LAMA1: variants seen among roughly 807,000 people sequenced by gnomAD.
The protein encoded by LAMA1 is laminin subunit alpha-1.
A neutral mutation model predicts 348.7 loss-of-function variants in LAMA1; 219 were observed. The ratio of observed to expected loss-of-function variants is 0.63; its 90% CI spans 0.56 to 0.70. LAMA1 has a LOEUF of 0.70. Ranked by LOEUF, LAMA1 falls within the 30% of genes least tolerant of loss-of-function variation. LAMA1 has a pLI of 0.00. For synonymous variants in LAMA1, 1,487 were observed against 1,491.0 expected, an observed-to-expected ratio of 1.00 and a Z score of 0.06; for missense variants, 3,744 against 3,888.0, an observed-to-expected ratio of 0.96 and a Z score of 0.99.
intron 1 of LAMA1, among the ~76,000 whole-genome samples, chr18:7,091,092 ACT>A (rs1184411630): frequency 1.3e-5 from 2 of 152,100 alleles, no homozygotes; most frequent in South Asian, 2.1e-4. Context: ...ATATTCAATG[ACT>A]CTGTGATTTT....
Position 7,049,175 on chromosome 18 carries a change from A to C in LAMA1, c.671T>G (p.Ile224Ser). Reference sequence around the variant, plus strand: ...TCTAATGCGTTGCAAGCGAAGGCGAATATATCGTGCAGAAGTGAATTCCAA... The same window carrying C: ...TCTAATGCGTTGCAAGCGAAGGCGACTATATCGTGCAGAAGTGAATTCCAA... ...KLLEFTSARY[I>S]RLRLQRIRTL... Residue 224 changes from isoleucine (I) to serine (S), a missense_variant, in exon 5 of 63, where the codon ATT becomes AGT. Ile to Ser is a moderately radical substitution (Grantham distance 142). Coordinates refer to ENST00000389658, the MANE Select transcript of LAMA1 (RefSeq NM_005559.4). The C allele has an allele frequency of 6.2e-7, 1 of 1,614,220 alleles. No homozygotes were observed. Among genetic ancestry groups the C allele is most frequent in the South Asian group, 1.1e-5 (1 of 91,082 alleles).
intron 3 of LAMA1, among the ~76,000 whole-genome samples, chr18:7,078,367 C>T (rs1325473774): frequency 8.6e-5 from 13 of 151,386 alleles, no homozygotes; most frequent in East Asian, 6.1e-4. Flanking sequence ...GGGGTTTCAC[C>T]GTGTTAGCCA....
chr18:7,066,924 T>C (rs2058125060), intron 3 of LAMA1, among the ~76,000 whole-genome samples: 1 of 152,246 alleles, frequency 6.6e-6, no homozygotes, highest in Admixed American at 6.5e-5. Flanking sequence ...AGCCATAAAA[T>C]ATTCAAATGT....
In LAMA1 at chr18:6,976,071, C is replaced by T. The variant is rs141494356; in HGVS notation, c.6355G>A (p.Ala2119Thr). ...ATGCAATCTCTGTCTGCAGACACGG[C>T]GACTTTAATCTGTAGAAGGAAAATG... ...ARKQAASIKV[A>T]VSADRDCIRA... Residue 2119 changes from alanine (A) to threonine (T), a missense_variant, in exon 45 of 63, where the codon GCC (alanine) becomes ACC (threonine). This residue lies in a region of LAMA1 where 1,983 missense variants were observed against 1,934.3 expected (regional missense o/e 1.03). Coordinates refer to ENST00000389658, the MANE Select transcript of LAMA1 (RefSeq NM_005559.4). 123 of 1,614,038 alleles carry T rather than the reference C, an allele frequency of 7.6e-5. No individual in the cohort carries two copies. The African/African-American group carries it at 1.4e-3, about 19-fold the overall frequency.
chr18:7,085,971 A>C (rs949201810), intron 1 of LAMA1, among the ~76,000 whole-genome samples: 28 of 152,228 alleles, frequency 1.8e-4, no homozygotes, highest in African/African-American at 6.5e-4. Context: ...CCAGGTTAAT[A>C]AGATTAAGGT....
chr18:6,956,812 C>T (rs1419040679), intron 55 of LAMA1, 47 bp from the exon 56 acceptor site: 1 of 1,608,730 alleles, frequency 6.2e-7, no homozygotes, highest in Admixed American at 1.7e-5. Context: ...TATCACAAAC[C>T]AGTCCATGAA....
At position 6,976,586 on chromosome 18, in the gene LAMA1, TTATATTTA is replaced by T. The variant is rs1166355186; in HGVS notation, c.6346-514_6346-507del. On this transcript the variant is annotated intron_variant, in intron 44 of 62. Transcript: ENST00000389658. ...TAGCATCAAGAAGCATTCCTTGGGCTTATATTTATTTATTTATTTATTTATTTATTTAT... is the reference window on the plus strand; with the variant it reads ...TAGCATCAAGAAGCATTCCTTGGGCTTTTATTTATTTATTTATTTATTTAT... 7.6e-5 allele frequency among the ~76,000 whole-genome samples: 11 copies of T among 144,256 alleles called. No individual in the cohort carries two copies. In the South Asian group the frequency reaches 1.3e-3, roughly 18 times the overall value. The allele number at this position is 144,256 out of a possible 152,430, so 94.6% of individuals were successfully genotyped here.
At chr18:6,956,483 T>C (rs1300537234) in intron 56 of LAMA1, 153 bp downstream of exon 56, 1 of 1,309,436 alleles carries the variant, frequency 7.6e-7, no homozygotes, top group Non-Finnish European at 1.1e-6. Context: ...TTTCCCTCCC[T>C]GTCCCCGCTC....
In LAMA1 at chr18:7,024,379, C is replaced by T. The variant is rs1263441039; in HGVS notation, c.2489+1G>A. On this transcript the variant is annotated splice_donor_variant, in intron 18 of 62. Transcript: ENST00000389658. LOFTEE classifies it high-confidence loss of function. ...TGTTGAAGCCAGTGGATGCAGAGTA[C>T]CTCTCACACCAAGCTCCTGAGTAGC... The T allele has an allele frequency of 5.0e-6, 8 of 1,612,568 alleles. No homozygotes were observed. The highest frequency in any genetic ancestry group is 6.8e-6 in the Non-Finnish European group (8 of 1,178,848).
At position 6,956,622 on chromosome 18, in the gene LAMA1, G is replaced by T. The variant is rs1458803239; in HGVS notation, c.8094+14C>A. On this transcript the variant is annotated intron_variant, in intron 56 of 62. Transcript: ENST00000389658. ...TGACTGGACCTGACTGATAGTAAAG[G>T]AAGCCGCTCCTACTGGAAAAGCCCG... 6 of 1,613,816 alleles carry T rather than the reference G, an allele frequency of 3.7e-6. No individual in the cohort carries two copies. In the African/African-American group the frequency reaches 8.0e-5, roughly 22 times the overall value.
chr18:7,085,740 A>C (rs866077191), intron 1 of LAMA1, among the ~76,000 whole-genome samples: 19 of 152,026 alleles, frequency 1.2e-4, no homozygotes, highest in Middle Eastern at 3.2e-3. Context: ...AATCTTACCC[A>C]TTCGCCCAAG....
intron 61 of LAMA1, 95 bp from the exon 62 acceptor site, chr18:6,943,497 T>G: frequency 1.0e-6 from 1 of 1,004,444 alleles, no homozygotes; most frequent in Non-Finnish European, 1.6e-6. Context: ...GCATTATGTT[T>G]AAAAGGAGAG....
At chr18:7,082,399 A>G (rs1417069194) in intron 1 of LAMA1, among the ~76,000 whole-genome samples, 1 of 152,192 alleles carries the variant, frequency 6.6e-6, no homozygotes, top group Non-Finnish European at 1.5e-5. Flanking sequence ...AAAATGCTTT[A>G]TGCGGAACCA....
chr18:6,967,911 C>G (rs528661495), intron 48 of LAMA1, among the ~76,000 whole-genome samples: 1 of 152,116 alleles, frequency 6.6e-6, no homozygotes, highest in African/African-American at 2.4e-5. Flanking sequence ...CAAACAGGGC[C>G]TGCTGGAGTG....
chr18:7,017,933 T>C (rs1289529152), intron 19 of LAMA1, among the ~76,000 whole-genome samples: 1 of 152,212 alleles, frequency 6.6e-6, no homozygotes, highest in Non-Finnish European at 1.5e-5. Context: ...ACATTGATGC[T>C]TAAAGCTACA....
At chr18:7,111,311 T>C (rs1278711957) in intron 1 of LAMA1, among the ~76,000 whole-genome samples, 1 of 152,180 alleles carries the variant, frequency 6.6e-6, no homozygotes, top group African/African-American at 2.4e-5. Flanking sequence ...TCGAGATAAA[T>C]GCTTACCTAG....
At chr18:7,040,678 A>G (rs778277028) in intron 9 of LAMA1, among the ~76,000 whole-genome samples, 24 of 152,230 alleles carry the variant, frequency 1.6e-4, no homozygotes, top group Non-Finnish European at 3.1e-4. Context: ...AAAATAATGA[A>G]AACATACACC....
intron 45 of LAMA1, 129 bp from the exon 46 acceptor site, chr18:6,975,165 C>T (rs962181957): frequency 9.8e-6 from 11 of 1,127,062 alleles, no homozygotes; most frequent in Middle Eastern, 3.0e-4. Context: ...AAAAGCAAAC[C>T]CCCCAAATCT....
intron 1 of LAMA1, among the ~76,000 whole-genome samples, chr18:7,103,084 C>T (rs925822655): frequency 9.9e-5 from 15 of 152,188 alleles, no homozygotes; most frequent in Admixed American, 6.5e-4. Context: ...CTTGTTTCTG[C>T]TGCTGGCTTG....
Sources: gnomAD v4.1 joint callset for allele counts (sites outside exome capture counted in the v4.1 genomes callset) on GRCh38, gnomAD v4.1.1 for gene constraint, gnomAD v4.1.1 regional missense constraint, MANE v1.5 for transcripts, NCBI Gene and HGNC (gene_info 2026-07-23, HGNC 2026-07-21) for gene names.